Variants in MCTP1 observed in about 807,000 individuals in gnomAD.
MCTP1 encodes the protein multiple C2 and transmembrane domain containing 1, also known as multiple C2 and transmembrane domain-containing protein 1.
A neutral mutation model predicts 120.6 loss-of-function variants in MCTP1; 69 were observed. The ratio of observed to expected loss-of-function variants is 0.57; its 90% CI spans 0.47 to 0.70. The LOEUF is 0.70. MCTP1 is among the 30% of genes least tolerant of loss of function. The probability of loss-of-function intolerance (pLI) is 0.00; values close to 1 mark genes in which losing one functional copy is unlikely to be tolerated. For missense variants in MCTP1, 1,203 were observed against 1,248.8 expected (o/e 0.96, Z 0.55); for synonymous variants, 529 against 493.1 (o/e 1.07, Z -0.96).
chr5:94,874,856 T>C (rs1176068400), intron 12 of MCTP1, among the ~76,000 whole-genome samples: 1 of 152,094 alleles, frequency 6.6e-6, no homozygotes, highest in East Asian at 1.9e-4. Flanking sequence ...GTTTTCCAAA[T>C]AGAGTTAAAT....
At chr5:94,729,431 A>G (rs113395556) in intron 19 of MCTP1, among the ~76,000 whole-genome samples, 328 of 152,316 alleles carry the variant, frequency 2.2e-3, no homozygotes, top group African/African-American at 7.7e-3. Context: ...TCACCTAGTC[A>G]CTGCTGGATA....
chr5:94,838,540 C>T (rs1458326975), intron 17 of MCTP1, among the ~76,000 whole-genome samples: 1 of 152,128 alleles, frequency 6.6e-6, no homozygotes, highest in Non-Finnish European at 1.5e-5. Context: ...TACTGGAATG[C>T]TATTTCCAGA....
intron 18 of MCTP1, among the ~76,000 whole-genome samples, chr5:94,790,363 G>A (rs1778639498): frequency 6.6e-6 from 1 of 152,232 alleles, no homozygotes; most frequent in East Asian, 1.9e-4. Flanking sequence ...GAGAAAAAGA[G>A]GACCCACCAG....
At chr5:95,095,032 T>TTTTTTTTG (rs1756131222) in intron 1 of MCTP1, among the ~76,000 whole-genome samples, 1 of 117,164 alleles carries the variant, frequency 8.5e-6, no homozygotes, top group African/African-American at 3.6e-5. Flanking sequence ...TTTTTTTTTT[T>TTTTTTTTG]TTTTTTTTTG....
chr5:95,253,296 G>T (rs996561587), intron 1 of MCTP1, among the ~76,000 whole-genome samples: 2 of 152,044 alleles, frequency 1.3e-5, no homozygotes, highest in African/African-American at 4.8e-5. Flanking sequence ...AACCGTACAA[G>T]AATTTTTACC....
chr5:95,214,938 A>C (rs900032190), intron 1 of MCTP1, among the ~76,000 whole-genome samples: 16 of 152,044 alleles, frequency 1.1e-4, no homozygotes, highest in Non-Finnish European at 1.8e-4. Flanking sequence ...TGGATGCAGC[A>C]CACCAACATG....
intron 1 of MCTP1, among the ~76,000 whole-genome samples, chr5:95,188,949 C>T (rs558766125): frequency 3.3e-5 from 5 of 152,196 alleles, no homozygotes; most frequent in East Asian, 1.9e-4. Flanking sequence ...AAAGGATACA[C>T]GGAATCTCTC....
At chr5:94,862,340 T>A (rs1289039496) in intron 17 of MCTP1, among the ~76,000 whole-genome samples, 1 of 151,796 alleles carries the variant, frequency 6.6e-6, no homozygotes, top group Non-Finnish European at 1.5e-5. Flanking sequence ...CTGTGGCTTA[T>A]GTGATTATCT....
rs1202370740 is a variant in MCTP1, at chr5:94,827,870, CT to C, written c.2437-28739del. ...TTTTCTAGTTAGCAATTCCTCTAAC[CT>C]TTTATCAAGGTTCTTAGCCTCCTTG... is the stretch of plus-strand genomic sequence containing the variant. On this transcript the variant is annotated intron_variant, in intron 17 of 22. Coordinates refer to ENST00000515393, the MANE Select transcript of MCTP1 (RefSeq NM_024717.7). 2.0e-5 allele frequency among the ~76,000 whole-genome samples: 3 copies of C among 151,834 alleles called. No individual in the cohort carries two copies. The East Asian group carries it at 5.9e-4, about 30-fold the overall frequency.
intron 17 of MCTP1, among the ~76,000 whole-genome samples, chr5:94,845,014 A>G: frequency 6.6e-6 from 1 of 152,210 alleles, no homozygotes; most frequent in East Asian, 1.9e-4. Flanking sequence ...ACAACAAAAC[A>G]AACTATCAAC....
At chr5:94,956,184 G>T (rs993290088) in intron 2 of MCTP1, among the ~76,000 whole-genome samples, 2 of 152,162 alleles carry the variant, frequency 1.3e-5, no homozygotes, top group Non-Finnish European at 2.9e-5. Flanking sequence ...CTGACTGTTA[G>T]AAGAAAACTA....
chr5:95,035,958 C>A (rs1034914052), intron 1 of MCTP1, among the ~76,000 whole-genome samples: 1 of 152,034 alleles, frequency 6.6e-6, no homozygotes, highest in Non-Finnish European at 1.5e-5. Context: ...TGACTGTTAT[C>A]TTTCCTATTT....
intron 9 of MCTP1, among the ~76,000 whole-genome samples, chr5:94,910,748 T>C (rs1808339046): frequency 6.8e-6 from 1 of 146,548 alleles, no homozygotes; most frequent in Non-Finnish European, 1.5e-5. Flanking sequence ...AAGGAGAAGA[T>C]AGAAGTGGTC....
chr5:94,722,774 A>G (rs1215131189), intron 19 of MCTP1, among the ~76,000 whole-genome samples: 1 of 152,206 alleles, frequency 6.6e-6, no homozygotes, highest in African/African-American at 2.4e-5. Context: ...ATTATTTATT[A>G]TAGTTTACCA....
At chr5:94,940,314 G>A (rs1817264366) in intron 4 of MCTP1, 119 bp from the exon 5 acceptor site, 1 of 564,502 alleles carries the variant, frequency 1.8e-6, no homozygotes, top group African/African-American at 1.9e-5. Context: ...ACTTTCTTGG[G>A]ACAATTTTTG....
intron 17 of MCTP1, among the ~76,000 whole-genome samples, chr5:94,846,115 A>G: frequency 0.045 from 1 of 22 alleles, no homozygotes; most frequent in South Asian, 0.5. Flanking sequence ...AACTTAAAAC[A>G]GAATTGGCTA....
chr5:95,041,311 G>GAAAAAAAAAAAAAAAAAAAAAAA (rs58379749), intron 1 of MCTP1, among the ~76,000 whole-genome samples: 1 of 89,812 alleles, frequency 1.1e-5, no homozygotes. Context: ...CCCATGCTCT[G>GAAAAAAAAAAAAAAAAAAAAAAA]AAAAAAAAAA....
intron 20 of MCTP1, among the ~76,000 whole-genome samples, chr5:94,711,723 G>A (rs1477169879): frequency 1.1e-4 from 15 of 136,132 alleles, no homozygotes; most frequent in Non-Finnish European, 2.3e-4. Context: ...AGAAGTAGAA[G>A]TTACAAAAAA....
rs866975640 is a variant in MCTP1 at position 94,736,669 on chromosome 5, C to A, written c.2611-21783G>T. On this transcript the variant is annotated intron_variant, in intron 19 of 22. Transcript: ENST00000515393. ...CTTTCACACATACATACACACACACCCTTGCATGCATATTTTAAATGAGAG... is the reference window on the plus strand; with the variant it reads ...CTTTCACACATACATACACACACACACTTGCATGCATATTTTAAATGAGAG... Among the ~76,000 whole-genome samples, 15 of 152,170 alleles carry A rather than the reference C, an allele frequency of 9.9e-5. No individual in the cohort carries two copies. The South Asian group carries it at 2.5e-3, about 25-fold the overall frequency.
Sources: allele counts gnomAD v4.1 joint callset (sites outside exome capture counted in the v4.1 genomes callset), GRCh38; gene constraint gnomAD v4.1.1; transcripts MANE v1.5; gene names NCBI Gene and HGNC (gene_info 2026-07-23, HGNC 2026-07-21).